GSK3B: variants seen among roughly 807,000 people sequenced by gnomAD.
GSK3B encodes the protein glycogen synthase kinase-3 beta.
Under a neutral mutation model 56.4 loss-of-function variants are expected in GSK3B, and 15 were observed. The observed-to-expected ratio is 0.27, with a 90% CI of 0.18 to 0.41. The LOEUF (loss-of-function observed/expected upper bound fraction) is 0.41. Among genes scored for constraint, GSK3B ranks in the 10% least tolerant of loss-of-function variants. GSK3B has a pLI of 1.00. For missense variants in GSK3B, 300 were observed against 513.4 expected (o/e 0.58, Z 4.02); for synonymous variants, 181 against 188.9 (o/e 0.96, Z 0.34).
intron 1 of GSK3B, among the ~76,000 whole-genome samples, chr3:120,015,329 C>A (rs191282853): frequency 3.1e-4 from 47 of 152,244 alleles, no homozygotes; most frequent in Admixed American, 9.8e-4. Context: ...AAAGTCTGAA[C>A]CCCTTACTTC....
chr3:120,084,922 C>A (rs1327251131), intron 1 of GSK3B, among the ~76,000 whole-genome samples: 1 of 152,172 alleles, frequency 6.6e-6, no homozygotes, highest in Non-Finnish European at 1.5e-5. Flanking sequence ...TCTAACACTT[C>A]TGCTAAAGCT....
chr3:120,085,910 AC>A (rs2058460052), intron 1 of GSK3B, among the ~76,000 whole-genome samples: 1 of 152,092 alleles, frequency 6.6e-6, no homozygotes, highest in Non-Finnish European at 1.5e-5. Context: ...AAATCACCCA[AC>A]CTTTCTAGTT....
Position 119,826,571 on chromosome 3 carries a change from T to G in GSK3B, c.*217A>C. ...CCTCCCCACAACCCCTCCCACCCCC[T>G]GGATCTCCCTCAAAGTGAGAATACA... On this transcript the variant is annotated 3_prime_UTR_variant, in exon 11 of 11. Coordinates refer to ENST00000264235, the MANE Select transcript of GSK3B (RefSeq NM_001146156.2). The G allele has an allele frequency of 2.8e-6, 1 of 359,870 alleles. No homozygotes were observed. Among genetic ancestry groups the G allele is most frequent in the East Asian group, 8.0e-5 (1 of 12,540 alleles). 22.3% of individuals were successfully genotyped at this position (359,870 alleles called of 1,614,324 possible). A position where few individuals can be genotyped will look rare whatever the true frequency, so the allele number is the denominator to read the frequency against.
chr3:119,880,423 A>G (rs1035170004), intron 7 of GSK3B, among the ~76,000 whole-genome samples: 1 of 152,096 alleles, frequency 6.6e-6, no homozygotes, highest in Non-Finnish European at 1.5e-5. Context: ...CAGTCTGTTA[A>G]CTGTTTCCTT....
At position 119,928,422 on chromosome 3, in the gene GSK3B, G is replaced by A. The variant is rs936536340; in HGVS notation, c.367-4939C>T. 2.6e-5 allele frequency among the ~76,000 whole-genome samples: 4 copies of A among 151,652 alleles called. No homozygotes were observed. In the East Asian group the frequency reaches 5.8e-4, roughly 22 times the overall value. ...AGATCGAGACCATCCTGGCTAACACGGTGAAACCCCGTCTCTACTAAAAAT... is the reference window on the plus strand; with the variant it reads ...AGATCGAGACCATCCTGGCTAACACAGTGAAACCCCGTCTCTACTAAAAAT... On this transcript the variant is annotated intron_variant, in intron 3 of 10. Coordinates refer to ENST00000264235, the MANE Select transcript of GSK3B (RefSeq NM_001146156.2).
chr3:119,953,021 T>G (rs2107498014), intron 2 of GSK3B, among the ~76,000 whole-genome samples: 1 of 152,208 alleles, frequency 6.6e-6, no homozygotes, highest in East Asian at 1.9e-4. Context: ...GTTGGGTTTA[T>G]AACGTAAATA....
At chr3:119,910,222 G>T (rs1208813150) in intron 6 of GSK3B, among the ~76,000 whole-genome samples, 2 of 152,220 alleles carry the variant, frequency 1.3e-5, no homozygotes, top group East Asian at 1.9e-4. Flanking sequence ...GTCCAAGGAA[G>T]AAAAATAGAA....
chr3:120,094,391 G>T lies in GSK3B; in HGVS notation c.-957C>A, dbSNP rs914495081. 5 of 313,376 alleles carry T rather than the reference G, an allele frequency of 1.6e-5. No homozygotes were observed. Among genetic ancestry groups the T allele is most frequent in the Non-Finnish European group, 2.9e-5 (5 of 170,578 alleles). 19.4% of individuals were successfully genotyped at this position (313,376 alleles called of 1,614,324 possible). A position where few individuals can be genotyped will look rare whatever the true frequency, so the allele number is the denominator to read the frequency against. ...TCCTTTGTCACTTGGCCCGGGCGGCGGCGGCGGCGGCGGCGGCACAAGCCC... is the reference window on the plus strand; with the variant it reads ...TCCTTTGTCACTTGGCCCGGGCGGCTGCGGCGGCGGCGGCGGCACAAGCCC... On this transcript the variant is annotated 5_prime_UTR_variant, in exon 1 of 11. Coordinates refer to ENST00000264235, the MANE Select transcript of GSK3B (RefSeq NM_001146156.2).
At position 120,094,390 on chromosome 3, in the gene GSK3B, C is replaced by T. The variant is rs2058546410; in HGVS notation, c.-956G>A. 4 of 303,976 alleles carry T rather than the reference C, an allele frequency of 1.3e-5. No individual in the cohort carries two copies. The highest frequency in any genetic ancestry group is 5.8e-5 in the East Asian group (1 of 17,362). 18.8% of individuals were successfully genotyped at this position (303,976 alleles called of 1,614,324 possible). ...TTCCTTTGTCACTTGGCCCGGGCGG[C>T]GGCGGCGGCGGCGGCGGCACAAGCC... On this transcript the variant is annotated 5_prime_UTR_variant, in exon 1 of 11. Coordinates refer to ENST00000264235, the MANE Select transcript of GSK3B (RefSeq NM_001146156.2).
intron 1 of GSK3B, among the ~76,000 whole-genome samples, chr3:120,062,177 A>G (rs2058243058): frequency 6.6e-6 from 1 of 151,696 alleles, no homozygotes; most frequent in Admixed American, 6.6e-5. Flanking sequence ...TATACTAAAC[A>G]CTCTTTTACA....
intron 2 of GSK3B, among the ~76,000 whole-genome samples, chr3:119,950,960 G>A (rs760096229): frequency 2.0e-5 from 3 of 152,140 alleles, no homozygotes; most frequent in Non-Finnish European, 4.4e-5. Context: ...ATGCCTAGTA[G>A]CACTGGCAAT....
intron 1 of GSK3B, among the ~76,000 whole-genome samples, chr3:120,062,531 A>C (rs1363601223): frequency 6.6e-6 from 1 of 152,248 alleles, no homozygotes; most frequent in Non-Finnish European, 1.5e-5. Context: ...CAGATACTTA[A>C]GAATTGACAT....
chr3:119,981,666 T>C (rs941177355), intron 2 of GSK3B, among the ~76,000 whole-genome samples: 2 of 152,208 alleles, frequency 1.3e-5, no homozygotes, highest in African/African-American at 2.4e-5. Context: ...TGCTGAGGCT[T>C]GAGTAGGTAA....
At chr3:120,031,093 G>C (rs1318252212) in intron 1 of GSK3B, among the ~76,000 whole-genome samples, 1 of 152,142 alleles carries the variant, frequency 6.6e-6, no homozygotes, top group Admixed American at 6.5e-5. Flanking sequence ...AAAATTCCAA[G>C]ATATCATACA....
intron 9 of GSK3B, among the ~76,000 whole-genome samples, chr3:119,857,003 C>CAG: frequency 6.6e-6 from 1 of 152,278 alleles, no homozygotes; most frequent in Non-Finnish European, 1.5e-5. Context: ...TTACCCTACA[C>CAG]TATCGTCTAT....
At chr3:119,966,279 CA>C (rs1346243463) in intron 2 of GSK3B, among the ~76,000 whole-genome samples, 1 of 152,068 alleles carries the variant, frequency 6.6e-6, no homozygotes, top group African/African-American at 2.4e-5. Context: ...TAGATTATCC[CA>C]AGCTAAGAAA....
rs972704640 is a variant in GSK3B, at chr3:119,823,554, C to A, written c.*3234G>T. ...GAGCATGGAAGGCTCCCAGAATCTGCTGTTTTTAAGACCCATGGTTAGGGC... is the reference window on the plus strand; with the variant it reads ...GAGCATGGAAGGCTCCCAGAATCTGATGTTTTTAAGACCCATGGTTAGGGC... On this transcript the variant is annotated 3_prime_UTR_variant, in exon 11 of 11. Transcript: ENST00000264235. 1 of 187,198 alleles carries A rather than the reference C, an allele frequency of 5.3e-6. No homozygotes were observed. The highest frequency in any genetic ancestry group is 8.6e-5 in the East Asian group (1 of 11,660). The allele number at this position is 187,198 out of a possible 1,614,324, so 11.6% of individuals were successfully genotyped here. A position where few individuals can be genotyped will look rare whatever the true frequency, so the allele number is the denominator to read the frequency against.
intron 2 of GSK3B, among the ~76,000 whole-genome samples, chr3:119,956,312 C>G (rs141599523): frequency 1.3e-5 from 2 of 152,278 alleles, no homozygotes; most frequent in Non-Finnish European, 2.9e-5. Flanking sequence ...ACCGTATGTT[C>G]TTCTTATCCT....
chr3:119,917,297 C>T (rs541124094), intron 4 of GSK3B, among the ~76,000 whole-genome samples: 5 of 152,178 alleles, frequency 3.3e-5, no homozygotes, highest in East Asian at 1.9e-4. Flanking sequence ...TTTAGTACAT[C>T]CTTGAAGTTA....
Sources: gnomAD v4.1 joint callset for allele counts (sites outside exome capture counted in the v4.1 genomes callset) on GRCh38, gnomAD v4.1.1 for gene constraint, MANE v1.5 for transcripts, NCBI Gene and HGNC (gene_info 2026-07-23, HGNC 2026-07-21) for gene names.